TDRD12: variants seen among roughly 807,000 people sequenced by gnomAD.
The protein encoded by TDRD12 is putative ATP-dependent RNA helicase TDRD12.
Under a neutral mutation model 133.5 loss-of-function variants are expected in TDRD12, and 158 were observed. That is an observed-to-expected ratio of 1.18 (90% CI 1.04 to 1.35). The LOEUF (loss-of-function observed/expected upper bound fraction) is 1.35. Among genes scored for constraint, TDRD12 ranks in the 40% most tolerant of loss-of-function variants. The pLI is 0.00. For synonymous variants in TDRD12, 460 were observed against 477.9 expected (o/e 0.96, Z 0.49); for missense variants, 1,443 against 1,321.3 (o/e 1.09, Z -1.43).
At chr19:32,765,500 A>C (rs565840532) in intron 8 of TDRD12, among the ~76,000 whole-genome samples, 1,649 of 152,260 alleles carry the variant, frequency 0.011, 38 homozygotes, top group African/African-American at 0.038. Flanking sequence ...AAATGTCCAA[A>C]AATGATAGAC....
chr19:32,826,167 T>C, downstream of TDRD12: 1 of 1,535,644 alleles, frequency 6.5e-7, no homozygotes, highest in Non-Finnish European at 8.7e-7. Flanking sequence ...AAAAGGTACG[T>C]CCACTCGGCA....
intron 1 of TDRD12, among the ~76,000 whole-genome samples, chr19:32,730,246 C>T (rs1969005966): frequency 6.6e-6 from 1 of 152,190 alleles, no homozygotes; most frequent in Non-Finnish European, 1.5e-5. Flanking sequence ...AATTCTCAAG[C>T]TGCTATGGCA....
rs979318368 is a variant in TDRD12, at chr19:32,739,234, A to C, written c.320+242A>C. ...GCCCTCTCCCACTGTCCGTCCTGGCAGGACAGGCAGGTTCAGATGGTGTTC... is the reference window on the plus strand; with the variant it reads ...GCCCTCTCCCACTGTCCGTCCTGGCCGGACAGGCAGGTTCAGATGGTGTTC... On this transcript the variant is annotated intron_variant, in intron 3 of 27. Coordinates refer to ENST00000444215, the Ensembl canonical transcript of TDRD12. Among the ~76,000 whole-genome samples, 29 of 152,172 alleles carry C rather than the reference A, an allele frequency of 1.9e-4. 1 individual carries two copies. Among genetic ancestry groups the C allele is most frequent in the African/African-American group, 6.3e-4 (26 of 41,416 alleles).
At chr19:32,815,728 G>A in intron 26 of TDRD12, 108 bp downstream of exon 26, 2 of 1,088,212 alleles carry the variant, frequency 1.8e-6, no homozygotes, top group South Asian at 1.7e-5. Context: ...GGGTGCGGTG[G>A]CTCACACCTG....
At chr19:32,729,093 C>T (rs7254919) in intron 1 of TDRD12, among the ~76,000 whole-genome samples, 7,546 of 149,336 alleles carry the variant, frequency 0.051, 327 homozygotes, top group East Asian at 0.23. Context: ...TCAACTCACT[C>T]TAACCATCTC....
intron 1 of TDRD12, among the ~76,000 whole-genome samples, chr19:32,727,008 C>T (rs1189173354): frequency 1.3e-5 from 2 of 152,158 alleles, no homozygotes; most frequent in Admixed American, 6.5e-5. Context: ...TGAGGAGCCA[C>T]CCTACCATTT....
At chr19:32,803,219 T>C (rs1030157236) in intron 21 of TDRD12, 77 bp downstream of exon 21, 1 of 1,142,680 alleles carries the variant, frequency 8.8e-7, no homozygotes, top group Admixed American at 2.8e-5. Context: ...ATGTGGTGAA[T>C]TGTCATGTAT....
rs113063201 is a variant in TDRD12 at position 32,757,152 on chromosome 19, T to C, written c.865+22T>C. The C allele has an allele frequency of 1.5e-3, 2,317 of 1,518,832 alleles. 40 individuals are homozygous for C. In the African/African-American group the frequency reaches 0.028, roughly 19 times the overall value. 94.1% of individuals were successfully genotyped at this position (1,518,832 alleles called of 1,614,324 possible). ...CAGGGTGAGTTCTGCTAATGTGGTT[T>C]ATTTCATAGGCAGCATGAAAAAAAT... is the stretch of plus-strand genomic sequence containing the variant. On this transcript the variant is annotated intron_variant, in intron 8 of 27. Transcript: ENST00000444215.
At chr19:32,727,141 GTTTT>G (rs200419837) in intron 1 of TDRD12, among the ~76,000 whole-genome samples, 2 of 151,864 alleles carry the variant, frequency 1.3e-5, no homozygotes, top group Non-Finnish European at 2.9e-5. Flanking sequence ...GAATTTTCAG[GTTTT>G]TTTTGACAGT....
At chr19:32,780,325 A>T (rs1019036452) in intron 11 of TDRD12, among the ~76,000 whole-genome samples, 5 of 152,144 alleles carry the variant, frequency 3.3e-5, no homozygotes. Flanking sequence ...ACCTCAGGTG[A>T]TCTGCCTGCC....
intron 14 of TDRD12, among the ~76,000 whole-genome samples, chr19:32,795,397 A>G (rs1971196939): frequency 6.6e-6 from 1 of 152,020 alleles, no homozygotes; most frequent in Admixed American, 6.6e-5. Context: ...AAATGCTGTC[A>G]CAGACCTGAG....
intron 25 of TDRD12, among the ~76,000 whole-genome samples, chr19:32,814,680 A>AT (rs1395520801): frequency 6.6e-6 from 1 of 152,230 alleles, no homozygotes; most frequent in Non-Finnish European, 1.5e-5. Context: ...CACCTGGCAG[A>AT]TGTGTCCACA....
At chr19:32,763,897 C>T (rs1262355038) in intron 8 of TDRD12, among the ~76,000 whole-genome samples, 1 of 152,106 alleles carries the variant, frequency 6.6e-6, no homozygotes, top group Non-Finnish European at 1.5e-5. Flanking sequence ...CAACAGTTTG[C>T]CCTGTGACCT....
exon 9 of TDRD12, chr19:32,826,454 G>A: frequency 8.0e-7 from 1 of 1,247,560 alleles, no homozygotes; most frequent in Non-Finnish European, 1.0e-6. Flanking sequence ...GTGCTTGGGT[G>A]GGAGACAAAT....
At chr19:32,788,043 G>A (rs1304561574) in intron 11 of TDRD12, among the ~76,000 whole-genome samples, 1 of 152,042 alleles carries the variant, frequency 6.6e-6, no homozygotes, top group Non-Finnish European at 1.5e-5. Flanking sequence ...GCTATAGACT[G>A]GAGCTGTTCC....
intron 16 of TDRD12, among the ~76,000 whole-genome samples, chr19:32,799,082 A>G (rs1971311955): frequency 6.6e-6 from 1 of 152,108 alleles, no homozygotes; most frequent in South Asian, 2.1e-4. Flanking sequence ...TTCCTTTAGG[A>G]TGAATTCCTA....
At chr19:32,816,686 TGTTCCAA>T (rs1967192080) in intron 26 of TDRD12, among the ~76,000 whole-genome samples, 1 of 152,192 alleles carries the variant, frequency 6.6e-6, no homozygotes, top group Admixed American at 6.5e-5. Context: ...TACCCAATAG[TGTTCCAA>T]AGTGGCTGCG....
At chr19:32,728,481 A>T in intron 1 of TDRD12, among the ~76,000 whole-genome samples, 2 of 151,222 alleles carry the variant, frequency 1.3e-5, no homozygotes, top group Admixed American at 6.6e-5. Flanking sequence ...TTTTTAATAG[A>T]CTCCTTAAGG....
chr19:32,774,245 T>A (rs1970518649), intron 10 of TDRD12, among the ~76,000 whole-genome samples: 1 of 152,246 alleles, frequency 6.6e-6, no homozygotes, highest in African/African-American at 2.4e-5. Flanking sequence ...ATATCATAAA[T>A]GCTAGACTCT....
Sources: gnomAD v4.1 joint callset for allele counts (sites outside exome capture counted in the v4.1 genomes callset) on GRCh38, gnomAD v4.1.1 for gene constraint, MANE v1.5 for transcripts, NCBI Gene and HGNC (gene_info 2026-07-23, HGNC 2026-07-21) for gene names.